GABRA5: variants seen among roughly 807,000 people sequenced by gnomAD.
The protein encoded by GABRA5 is gamma-aminobutyric acid receptor subunit alpha-5.
A neutral mutation model predicts 47.3 loss-of-function variants in GABRA5; 18 were observed. The observed-to-expected ratio is 0.38, with a 90% confidence interval of 0.26 to 0.56. The LOEUF (loss-of-function observed/expected upper bound fraction) is 0.56, where lower values mean the gene tolerates loss of function less well. Among genes scored for constraint, GABRA5 ranks in the 20% least tolerant of loss-of-function variants. GABRA5 has a pLI of 0.71. For missense variants in GABRA5, 365 were observed against 599.3 expected (o/e 0.61, Z 4.08); for synonymous variants, 237 against 229.3 (o/e 1.03, Z -0.30).
intron 6 of GABRA5, among the ~76,000 whole-genome samples, chr15:26,896,104 G>A (rs1022831971): frequency 1.3e-5 from 2 of 152,108 alleles, no homozygotes; most frequent in African/African-American, 4.8e-5. Context: ...CCGCTCCTTT[G>A]CCCGACATCA....
At position 26,906,811 on chromosome 15, in the gene GABRA5, C is replaced by A. The variant is rs147887061; in HGVS notation, c.498-7992C>A. Among the ~76,000 whole-genome samples, 532 of 152,212 alleles carry A rather than the reference C, an allele frequency of 3.5e-3. 3 individuals carry two copies. The highest frequency in any genetic ancestry group is 0.012 in the African/African-American group (505 of 41,536). ...ATTAAACAAAAATAATTCCATTTCA[C>A]GTCAATTATTACAATGTCCTCCTGA... On this transcript the variant is annotated intron_variant, in intron 6 of 10. Coordinates refer to ENST00000335625, the MANE Select transcript of GABRA5 (RefSeq NM_000810.4).
intron 7 of GABRA5, among the ~76,000 whole-genome samples, chr15:26,927,173 T>C (rs776903722): frequency 2.6e-5 from 4 of 151,960 alleles, no homozygotes; most frequent in African/African-American, 7.2e-5. Flanking sequence ...GCACAATCTC[T>C]GCTCGCTGCA....
chr15:26,914,499 GGGATAGGAA>G (rs1893675278), intron 6 of GABRA5, among the ~76,000 whole-genome samples: 1 of 152,142 alleles, frequency 6.6e-6, no homozygotes, highest in Non-Finnish European at 1.5e-5. Context: ...TGCTCAATAA[GGGATAGGAA>G]ACAAAGAATA....
intron 10 of GABRA5, among the ~76,000 whole-genome samples, chr15:26,946,462 T>C (rs749632412): frequency 2.7e-5 from 4 of 148,538 alleles, no homozygotes; most frequent in Non-Finnish European, 4.5e-5. Context: ...CATTTCAAAA[T>C]AAATTTCAGA....
chr15:26,934,739 G>C (rs1894195093), intron 7 of GABRA5, among the ~76,000 whole-genome samples: 1 of 152,158 alleles, frequency 6.6e-6, no homozygotes. Context: ...GTGAGTGTCA[G>C]GCCCATGCTG....
At position 26,948,201 on chromosome 15, in the gene GABRA5, C is replaced by T. The variant is rs1329152872; in HGVS notation, c.1357C>T (p.Pro453Ser). 1.2e-6 allele frequency: 2 copies of T among 1,613,074 alleles called. No individual in the cohort carries two copies. The highest frequency in any genetic ancestry group is 1.7e-6 in the Non-Finnish European group (2 of 1,179,738). The change falls in exon 11 of 11, where the codon CCG becomes TCG. Residue 453 changes from proline to serine, a missense_variant. This residue lies in a region of GABRA5 where 106 missense variants were observed against 130.3 expected (regional missense o/e 0.81). Transcript: ENST00000335625. ...VYWATYLNRE[P>S]VIKGAASPK ...CTGGGCAACGTATTTGAATAGGGAG[C>T]CGGTGATAAAAGGAGCCGCCTCTCC... is the stretch of plus-strand genomic sequence containing the variant.
chr15:26,889,308 C>G (rs1394342381), intron 6 of GABRA5, among the ~76,000 whole-genome samples: 1 of 151,820 alleles, frequency 6.6e-6, no homozygotes, highest in African/African-American at 2.4e-5. Flanking sequence ...AAATTCAGGT[C>G]CTGACTGTCA....
chr15:26,933,288 C>T (rs111463838), intron 7 of GABRA5, among the ~76,000 whole-genome samples: 1,549 of 152,012 alleles, frequency 0.01, 27 homozygotes, highest in African/African-American at 0.035. Context: ...AAAAGAGGGA[C>T]GTAATTCAAA....
chr15:26,903,976 C>G (rs2140282464), intron 6 of GABRA5, among the ~76,000 whole-genome samples: 1 of 151,986 alleles, frequency 6.6e-6, no homozygotes, highest in African/African-American at 2.4e-5. Context: ...TAATTAGATC[C>G]CATTTGTTCA....
At chr15:26,933,337 T>C (rs2140571567) in intron 7 of GABRA5, among the ~76,000 whole-genome samples, 1 of 152,176 alleles carries the variant, frequency 6.6e-6, no homozygotes, top group East Asian at 1.9e-4. Context: ...ACTTGGGAAA[T>C]ACTGTTTTCC....
intron 3 of GABRA5, among the ~76,000 whole-genome samples, chr15:26,871,799 C>T (rs531419487): frequency 4.6e-5 from 7 of 152,308 alleles, no homozygotes; most frequent in African/African-American, 1.7e-4. Flanking sequence ...CTTGTGTTAG[C>T]TTCTTCCCTA....
intron 3 of GABRA5, among the ~76,000 whole-genome samples, chr15:26,873,601 C>T (rs1595391571): frequency 6.6e-6 from 1 of 152,224 alleles, no homozygotes; most frequent in African/African-American, 2.4e-5. Flanking sequence ...CATACCCTCA[C>T]TCAAGGACAG....
intron 6 of GABRA5, among the ~76,000 whole-genome samples, chr15:26,914,561 T>C (rs1333333504): frequency 6.6e-6 from 1 of 152,218 alleles, no homozygotes; most frequent in African/African-American, 2.4e-5. Flanking sequence ...CAAGCAGTAA[T>C]ATATGTATAG....
At chr15:26,946,438 T>TTA (rs1171876629) in intron 10 of GABRA5, among the ~76,000 whole-genome samples, 1 of 151,936 alleles carries the variant, frequency 6.6e-6, no homozygotes, top group Non-Finnish European at 1.5e-5. Context: ...TATCTGTTTT[T>TTA]TTTTTTTTTG....
At chr15:26,908,483 T>C (rs1893498942) in intron 6 of GABRA5, among the ~76,000 whole-genome samples, 1 of 152,212 alleles carries the variant, frequency 6.6e-6, no homozygotes, top group Non-Finnish European at 1.5e-5. Flanking sequence ...AGCTGCAGAA[T>C]GCCAAACGCT....
At chr15:26,939,542 A>G in intron 8 of GABRA5, 1 of 653,380 alleles carries the variant, frequency 1.5e-6, no homozygotes, top group Non-Finnish European at 2.8e-6. Context: ...GACTCTGTCC[A>G]CCCTCTGCAG....
intron 7 of GABRA5, 30 bp downstream of exon 7, chr15:26,914,915 G>T: frequency 3.2e-6 from 5 of 1,566,340 alleles, no homozygotes; most frequent in Non-Finnish European, 4.4e-6. Context: ...AAGAGCCTTG[G>T]ACATATACTT....
At chr15:26,908,313 T>C (rs530721891) in intron 6 of GABRA5, among the ~76,000 whole-genome samples, 1 of 152,250 alleles carries the variant, frequency 6.6e-6, no homozygotes, top group South Asian at 2.1e-4. Context: ...TCCTCTTCCA[T>C]CCTTGCTAAG....
chr15:26,927,270 A>ATTTTTT (rs11400477), intron 7 of GABRA5, among the ~76,000 whole-genome samples: 1 of 142,220 alleles, frequency 7.0e-6, no homozygotes. Context: ...TGTCCAGCTA[A>ATTTTTT]TTTTTTTTTT....
Sources: gnomAD v4.1 joint callset for allele counts (sites outside exome capture counted in the v4.1 genomes callset) on GRCh38, gnomAD v4.1.1 for gene constraint, gnomAD v4.1.1 regional missense constraint, MANE v1.5 for transcripts, NCBI Gene and HGNC (gene_info 2026-07-23, HGNC 2026-07-21) for gene names.